RAB12: variants seen among roughly 807,000 people sequenced by gnomAD.
The protein encoded by RAB12 is RAB12, member RAS oncogene family.
A neutral mutation model predicts 28.4 loss-of-function variants in RAB12; 11 were observed. That is an observed-to-expected ratio of 0.39 (90% confidence interval 0.24 to 0.64). The LOEUF (loss-of-function observed/expected upper bound fraction) is 0.64, where lower values mean the gene tolerates loss of function less well. Among genes scored for constraint, RAB12 ranks in the 30% least tolerant of loss-of-function variants. The probability of loss-of-function intolerance (pLI) is 0.50; values close to 1 mark genes in which losing one functional copy is unlikely to be tolerated. For synonymous variants in RAB12, 138 were observed against 145.3 expected (o/e 0.95, Z 0.36); for missense variants, 276 against 351.1 (o/e 0.79, Z 1.71).
intron 1 of RAB12, among the ~76,000 whole-genome samples, chr18:8,620,096 C>A (rs1252137782): frequency 6.8e-6 from 1 of 146,580 alleles, no homozygotes; most frequent in African/African-American, 2.5e-5. Context: ...CCTGCCACTG[C>A]ACTCCAGCCT....
At chr18:8,636,062 T>C (rs2096018721) in intron 4 of RAB12, 191 bp from the exon 5 acceptor site, 1 of 559,148 alleles carries the variant, frequency 1.8e-6, no homozygotes, top group Non-Finnish European at 3.2e-6. Flanking sequence ...AGGATTTTTA[T>C]TGTCTTTTGT....
At chr18:8,612,307 G>A (rs1243748233) in intron 1 of RAB12, among the ~76,000 whole-genome samples, 2 of 152,220 alleles carry the variant, frequency 1.3e-5, no homozygotes, top group African/African-American at 4.8e-5. Flanking sequence ...TGTTCCTCTA[G>A]TTCCTTTAGA....
intron 1 of RAB12, among the ~76,000 whole-genome samples, chr18:8,623,998 A>ACGGG (rs1258684228): frequency 6.6e-6 from 1 of 152,248 alleles, no homozygotes; most frequent in African/African-American, 2.4e-5. Context: ...GTGCCCAGAG[A>ACGGG]CGGGCAGTCA....
intron 2 of RAB12, among the ~76,000 whole-genome samples, chr18:8,631,185 C>T (rs1424357202): frequency 2.0e-5 from 3 of 152,160 alleles, no homozygotes; most frequent in African/African-American, 4.8e-5. Flanking sequence ...CCACTGCGCC[C>T]GGCCTAACAA....
intron 1 of RAB12, among the ~76,000 whole-genome samples, chr18:8,617,502 C>G (rs941770064): frequency 1.3e-5 from 2 of 151,532 alleles, no homozygotes; most frequent in South Asian, 4.2e-4. Flanking sequence ...CCTCTTTTGA[C>G]CAGGAACTCA....
chr18:8,620,923 G>A (rs2096009556), intron 1 of RAB12, among the ~76,000 whole-genome samples: 2 of 152,190 alleles, frequency 1.3e-5, no homozygotes. Flanking sequence ...GGCAGACAAG[G>A]AGTTTCTCTA....
chr18:8,624,928 T>C lies in RAB12; in HGVS notation c.515-10T>C, dbSNP rs541269097. 3 of 1,527,390 alleles carry C rather than the reference T, an allele frequency of 2.0e-6. No individual in the cohort carries two copies. Among genetic ancestry groups the C allele is most frequent in the Admixed American group, 1.7e-5 (1 of 58,426 alleles). The allele number at this position is 1,527,390 out of a possible 1,614,324, so 94.6% of individuals were successfully genotyped here. ...TGTTTTTGCTTCACATTTATTTGTT[T>C]TATTTACAGGTGTTGACTTCAAAAT... On this transcript the variant is annotated splice_polypyrimidine_tract_variant and intron_variant, in intron 1 of 5. Coordinates refer to ENST00000649141, the MANE Select transcript of RAB12 (RefSeq NM_001025300.3).
chr18:8,622,449 G>A (rs1193814367), intron 1 of RAB12, among the ~76,000 whole-genome samples: 1 of 152,128 alleles, frequency 6.6e-6, no homozygotes, highest in Non-Finnish European at 1.5e-5. Flanking sequence ...ATGTCGGTAG[G>A]TTCCGTGATG....
intron 1 of RAB12, among the ~76,000 whole-genome samples, chr18:8,618,127 C>T (rs1261140829): frequency 2.6e-5 from 4 of 152,110 alleles, no homozygotes; most frequent in Admixed American, 6.5e-5. Flanking sequence ...TCCCTCTGTC[C>T]TCCCCTCCCT....
rs905787816 is a variant in RAB12, at chr18:8,631,228, G to T, written c.576-1961G>T. Among the ~76,000 whole-genome samples, 5 of 152,172 alleles carry T rather than the reference G, an allele frequency of 3.3e-5. No homozygotes were observed. The East Asian group carries it at 9.6e-4, about 29-fold the overall frequency. On this transcript the variant is annotated intron_variant, in intron 2 of 5. Transcript: ENST00000649141. ...TCTACAGCATTTTTCATAAGTGTGG[G>T]ACTATTGGTCATCTTTTCAACAAAA... is the stretch of plus-strand genomic sequence containing the variant.
In RAB12 at chr18:8,638,130, T is replaced by G. The variant is rs776751207; in HGVS notation, c.910-19T>G. The G allele has an allele frequency of 2.6e-6, 4 of 1,556,454 alleles. No individual in the cohort carries two copies. In the South Asian group the frequency reaches 3.4e-5, roughly 13 times the overall value. On this transcript the variant is annotated intron_variant, in intron 5 of 5. Transcript: ENST00000649141. ...TTGTAAAGTTAAAACGGATTTTTTTTTGTTTGTTTATACGTTAGATGCCTC... is the reference window on the plus strand; with the variant it reads ...TTGTAAAGTTAAAACGGATTTTTTTGTGTTTGTTTATACGTTAGATGCCTC...
chr18:8,633,657 C>T (rs1163224635), intron 3 of RAB12, among the ~76,000 whole-genome samples: 2 of 152,232 alleles, frequency 1.3e-5, no homozygotes, highest in Non-Finnish European at 2.9e-5. Flanking sequence ...CCTGGACACT[C>T]ATCTCATGCA....
At chr18:8,634,968 C>G (rs796670651) in intron 3 of RAB12, among the ~76,000 whole-genome samples, 33 of 152,140 alleles carry the variant, frequency 2.2e-4, no homozygotes, top group African/African-American at 6.5e-4. Context: ...TTAATGATAC[C>G]TTCATTATAG....
At chr18:8,629,223 A>T (rs945904360) in intron 2 of RAB12, among the ~76,000 whole-genome samples, 1 of 152,246 alleles carries the variant, frequency 6.6e-6, no homozygotes, top group Non-Finnish European at 1.5e-5. Flanking sequence ...GTTTGGAAGT[A>T]GTAAAGTATA....
chr18:8,612,138 A>G (rs1377127457), intron 1 of RAB12, among the ~76,000 whole-genome samples: 1 of 152,200 alleles, frequency 6.6e-6, no homozygotes, highest in African/African-American at 2.4e-5. Context: ...TCTGTCCAGA[A>G]GTGGATCGGA....
chr18:8,635,242 G>T, intron 3 of RAB12: 4 of 201,232 alleles, frequency 2.0e-5, no homozygotes, highest in Non-Finnish European at 4.0e-5. Context: ...TGAGTGTAGA[G>T]CTTTGCCTGT....
chr18:8,624,588 T>G (rs2096011666), intron 1 of RAB12, among the ~76,000 whole-genome samples: 1 of 152,234 alleles, frequency 6.6e-6, no homozygotes, highest in Non-Finnish European at 1.5e-5. Context: ...TGAGAAAACA[T>G]CCTTTTAAAG....
chr18:8,635,691 A>G lies in RAB12; in HGVS notation c.804+69A>G. 4 of 920,548 alleles carry G rather than the reference A, an allele frequency of 4.3e-6. No homozygotes were observed. In the South Asian group the frequency reaches 7.6e-5, roughly 17 times the overall value. The allele number at this position is 920,548 out of a possible 1,614,324, so 57.0% of individuals were successfully genotyped here. A position where few individuals can be genotyped will look rare whatever the true frequency, so the allele number is the denominator to read the frequency against. On this transcript the variant is annotated intron_variant, in intron 4 of 5. Transcript: ENST00000649141. Reference sequence around the variant, plus strand: ...CGCTTGAGGTACTGTTTCTTTTAATAAATTACTTATTTTAAAAATTACAAA... The same window carrying G: ...CGCTTGAGGTACTGTTTCTTTTAATGAATTACTTATTTTAAAAATTACAAA...
intron 3 of RAB12, among the ~76,000 whole-genome samples, chr18:8,634,762 T>G (rs531775510): frequency 1.3e-5 from 2 of 152,346 alleles, no homozygotes; most frequent in East Asian, 3.9e-4. Flanking sequence ...CCGGCACTCC[T>G]CACCTGGCTG....
Sources: gnomAD v4.1 joint callset for allele counts (sites outside exome capture counted in the v4.1 genomes callset) on GRCh38, gnomAD v4.1.1 for gene constraint, MANE v1.5 for transcripts, NCBI Gene and HGNC (gene_info 2026-07-23, HGNC 2026-07-21) for gene names.